The following SPTBN1 variants were observed in gnomAD, a reference collection of about 807,000 sequenced individuals.
SPTBN1 encodes spectrin beta, non-erythrocytic 1.
In SPTBN1, 32 loss-of-function variants were observed where a neutral mutation model predicts 266.4. The observed-to-expected ratio is 0.12, with a 90% CI of 0.09 to 0.16. SPTBN1 has a LOEUF of 0.16. Ranked by LOEUF, SPTBN1 falls within the 10% of genes least tolerant of loss-of-function variation. SPTBN1 has a pLI of 1.00. For synonymous variants in SPTBN1, 1,336 were observed against 1,162.2 expected, an observed-to-expected ratio of 1.15 and a Z score of -3.04; for missense variants, 2,296 against 3,067.1, an observed-to-expected ratio of 0.75 and a Z score of 5.94.
Position 54,631,344 on chromosome 2 carries a change from G to C in SPTBN1, c.3297G>C (p.Lys1099Asn). 6.2e-7 allele frequency: 1 copy of C among 1,614,258 alleles called. No homozygotes were observed. Among genetic ancestry groups the C allele is most frequent in the Non-Finnish European group, 8.5e-7 (1 of 1,180,046 alleles). The part of the protein sequence containing the change: ...DMPNTLTEAE[K>N]LLTQHENIKN... ...CAAACACCCTGACCGAGGCTGAGAA[G>C]CTGCTCACGCAGCACGAGAACATCA... Residue 1099 changes from lysine to asparagine, a missense_variant, in exon 16 of 36, where the codon AAG becomes AAC. By Grantham distance (94) the Lys-to-Asn change is moderately conservative. Around this residue, in one of 12 missense-constraint regions of SPTBN1, gnomAD observed 386 missense variants for 486.1 expected, o/e 0.79. Coordinates refer to ENST00000356805, the MANE Select transcript of SPTBN1 (RefSeq NM_003128.3).
intron 1 of SPTBN1, among the ~76,000 whole-genome samples, chr2:54,482,602 A>G (rs1668156760): frequency 6.6e-6 from 1 of 152,220 alleles, no homozygotes; most frequent in South Asian, 2.1e-4. Context: ...ACTTATGTTT[A>G]TGTGAATTAA....
At chr2:54,487,832 C>CTCTTTTTTTTTTT (rs1426296541) in intron 1 of SPTBN1, among the ~76,000 whole-genome samples, 844 of 68,510 alleles carry the variant, frequency 0.012, 1 homozygote, top group Middle Eastern at 0.056. Flanking sequence ...CCTCCTGTGT[C>CTCTTTTTTTTTTT]TTTTTTTTTT....
intron 1 of SPTBN1, among the ~76,000 whole-genome samples, chr2:54,493,001 C>CT (rs70944171): frequency 0.038 from 4,345 of 112,888 alleles, 302 homozygotes; most frequent in African/African-American, 0.12. Context: ...AATAACATAT[C>CT]TTTTTTTTTT....
chr2:54,588,968 A>G lies in SPTBN1; in HGVS notation c.149-10124A>G, dbSNP rs1675485597. ...TTTTGTGGATACATAGTAGATGTAT[A>G]TATTTATGGGGTATGTGATGTTTTA... On this transcript the variant is annotated intron_variant, in intron 2 of 35. Coordinates refer to ENST00000356805, the MANE Select transcript of SPTBN1 (RefSeq NM_003128.3). Among the ~76,000 whole-genome samples, 3 of 152,002 alleles carry G rather than the reference A, an allele frequency of 2.0e-5. No individual in the cohort carries two copies. In the South Asian group the frequency reaches 6.2e-4, roughly 31 times the overall value.
intron 1 of SPTBN1, chr2:54,520,524 G>A (rs751548878): frequency 6.6e-6 from 1 of 152,130 alleles, no homozygotes; most frequent in Non-Finnish European, 1.5e-5. Flanking sequence ...TAAAGCATCT[G>A]GAATTTCTGT....
At chr2:54,521,085 C>G (rs759800540) in intron 1 of SPTBN1, among the ~76,000 whole-genome samples, 10 of 152,178 alleles carry the variant, frequency 6.6e-5, no homozygotes, top group Non-Finnish European at 1.2e-4. Context: ...AAAACCCAGC[C>G]CTTTTTAGAT....
At chr2:54,530,192 T>C (rs1437719005) in intron 2 of SPTBN1, among the ~76,000 whole-genome samples, 1 of 152,068 alleles carries the variant, frequency 6.6e-6, no homozygotes. Context: ...ATGGTGTAGT[T>C]CATCTTGTAC....
chr2:54,476,623 C>G (rs1190108135), intron 1 of SPTBN1, among the ~76,000 whole-genome samples: 1 of 152,192 alleles, frequency 6.6e-6, no homozygotes, highest in Non-Finnish European at 1.5e-5. Context: ...TATTTTCTTA[C>G]TTTTCATAGC....
intron 2 of SPTBN1, among the ~76,000 whole-genome samples, chr2:54,537,645 C>G (rs1328708309): frequency 6.6e-6 from 1 of 152,174 alleles, no homozygotes; most frequent in African/African-American, 2.4e-5. Flanking sequence ...AATAGCCAAT[C>G]TGAAGAAAGG....
At chr2:54,560,432 AC>A (rs1464251142) in intron 2 of SPTBN1, among the ~76,000 whole-genome samples, 2 of 152,108 alleles carry the variant, frequency 1.3e-5, no homozygotes, top group Non-Finnish European at 2.9e-5. Flanking sequence ...CCCTAGGCCC[AC>A]CCATAACAAA....
At chr2:54,479,555 G>A (rs932369241) in intron 1 of SPTBN1, among the ~76,000 whole-genome samples, 22 of 152,280 alleles carry the variant, frequency 1.4e-4, no homozygotes, top group African/African-American at 5.1e-4. Flanking sequence ...AGTTGTACCA[G>A]TACAGCAGGC....
intron 2 of SPTBN1, among the ~76,000 whole-genome samples, chr2:54,576,073 G>GTTTTTTTTTTTTTTTTTTTTTTTTTTT (rs1674449935): frequency 2.1e-4 from 1 of 4,834 alleles, no homozygotes. Context: ...TTTTTTTTTT[G>GTTTTTTTTTTTTTTTTTTTTTTTTTTT]AGAGACAGTC....
At chr2:54,486,491 A>ATG (rs1668398523) in intron 1 of SPTBN1, among the ~76,000 whole-genome samples, 1 of 152,154 alleles carries the variant, frequency 6.6e-6, no homozygotes, top group African/African-American at 2.4e-5. Context: ...GCGGTGCAAG[A>ATG]TGTGCTTTGT....
chr2:54,630,076 G>C, intron 15 of SPTBN1, 47 bp downstream of exon 15: 1 of 1,590,342 alleles, frequency 6.3e-7, no homozygotes, highest in Non-Finnish European at 8.6e-7. Context: ...TGTGGGACTG[G>C]GGAGGGTGAG....
In SPTBN1 at chr2:54,497,877, A is replaced by C. The variant is rs370892528; in HGVS notation, c.-47-28495A>C. Among the ~76,000 whole-genome samples the C allele has an allele frequency of 5.9e-5, 9 of 152,340 alleles. No homozygotes were observed. In the East Asian group the frequency reaches 1.7e-3, roughly 29 times the overall value. On this transcript the variant is annotated intron_variant, in intron 1 of 35. Coordinates refer to ENST00000356805, the MANE Select transcript of SPTBN1 (RefSeq NM_003128.3). The stretch of plus-strand genomic sequence containing the variant: ...AAACAGGGTTCCAGCTCTGCACAGC[A>C]GGACAGGTGCAAGTGTGCGCCAGTA...
At chr2:54,459,807 A>G (rs913036930) in intron 1 of SPTBN1, among the ~76,000 whole-genome samples, 1 of 152,140 alleles carries the variant, frequency 6.6e-6, no homozygotes, top group African/African-American at 2.4e-5. Flanking sequence ...TGAGTAAAGC[A>G]TCTCATGGGT....
intron 1 of SPTBN1, among the ~76,000 whole-genome samples, chr2:54,462,471 A>G (rs1573197465): frequency 6.6e-6 from 1 of 152,190 alleles, no homozygotes; most frequent in Non-Finnish European, 1.5e-5. Flanking sequence ...AGTTCTTTTG[A>G]CCATTAAGCA....
Position 54,666,084 on chromosome 2 carries a change from C to A in SPTBN1, c.6829C>A (p.Leu2277Ile). The A allele has an allele frequency of 6.2e-7, 1 of 1,610,632 alleles. No individual in the cohort carries two copies. Among genetic ancestry groups the A allele is most frequent in the Non-Finnish European group, 8.5e-7 (1 of 1,178,656 alleles). The change falls in exon 34 of 36, where the codon CTA becomes ATA. Residue 2277 changes from leucine (L) to isoleucine (I), a missense_variant. Physicochemically the swap from Leu to Ile is conservative, Grantham distance 5. Coordinates refer to ENST00000356805, the MANE Select transcript of SPTBN1 (RefSeq NM_003128.3). ...CAAAAAGAAGAAACACGTATTCAAGCTAAGGTGAGAGTCGCCGTGCTTCAT... is the reference window on the plus strand; with the variant it reads ...CAAAAAGAAGAAACACGTATTCAAGATAAGGTGAGAGTCGCCGTGCTTCAT... The part of the protein sequence containing the change: ...DYKKKKHVFK[L>I]RLNDGNEYLF...
chr2:54,573,767 C>T (rs1296550885), intron 2 of SPTBN1, among the ~76,000 whole-genome samples: 8 of 152,156 alleles, frequency 5.3e-5, no homozygotes, highest in African/African-American at 9.7e-5. Context: ...CCTCTGCCTG[C>T]GGCTCTTTGC....
Sources: gnomAD v4.1 joint callset for allele counts (sites outside exome capture counted in the v4.1 genomes callset) on GRCh38, gnomAD v4.1.1 for gene constraint, gnomAD v4.1.1 regional missense constraint, MANE v1.5 for transcripts, NCBI Gene and HGNC (gene_info 2026-07-23, HGNC 2026-07-21) for gene names.